Variants in KCNG2 observed in about 807,000 individuals in gnomAD.
KCNG2 encodes the protein voltage-gated potassium channel regulatory subunit KCNG2.
In KCNG2, 7 loss-of-function variants were observed where a neutral mutation model predicts 12.3. That is an observed-to-expected ratio of 0.57 (90% CI 0.32 to 1.07). The LOEUF is 1.07. KCNG2 is among the 50% of genes least tolerant of loss of function. KCNG2 has a pLI of 0.04. For missense variants in KCNG2, 703 were observed against 726.0 expected (o/e 0.97, Z 0.36); for synonymous variants, 414 against 351.4 (o/e 1.18, Z -1.99).
At chr18:79,839,859 T>C (rs894658137) in intron 1 of KCNG2, among the ~76,000 whole-genome samples, 1 of 152,238 alleles carries the variant, frequency 6.6e-6, no homozygotes, top group Non-Finnish European at 1.5e-5. Flanking sequence ...AAGCACCATA[T>C]TGACAGGCTA....
rs1253608580 is a variant in KCNG2 at position 79,803,566 on chromosome 18, G to A, written c.-115+5552G>A. 6.6e-6 allele frequency among the ~76,000 whole-genome samples: 1 copy of A among 152,216 alleles called. No individual in the cohort carries two copies. Among genetic ancestry groups the A allele is most frequent in the Non-Finnish European group, 1.5e-5 (1 of 68,036 alleles). On this transcript the variant is annotated intron_variant, in intron 1 of 3. Transcript: ENST00000316249. The surrounding 1 kb of genome is among the most constrained non-coding windows in gnomAD (Gnocchi z 4.5). ...GTGCTGGGGACCGACGAGGGGGCCTGTGATTCTGGGGGCTCCGATCGTGTT... is the reference window on the plus strand; with the variant it reads ...GTGCTGGGGACCGACGAGGGGGCCTATGATTCTGGGGGCTCCGATCGTGTT...
chr18:79,888,647 C>T (rs1599434098), intron 3 of KCNG2, among the ~76,000 whole-genome samples: 1 of 152,188 alleles, frequency 6.6e-6, no homozygotes, highest in South Asian at 2.1e-4. Context: ...CATGTCCTTC[C>T]TGACAGTTGA....
intron 1 of KCNG2, among the ~76,000 whole-genome samples, chr18:79,807,942 C>T (rs2087464755): frequency 8.6e-6 from 1 of 116,744 alleles, no homozygotes; most frequent in Non-Finnish European, 1.7e-5. Flanking sequence ...CCAGAGTCCT[C>T]GCCCTGAGGA....
rs1233244967 is a variant in KCNG2, at chr18:79,899,367, TGC to T, written c.960_961del (p.Glu321ValfsTer192). The T allele has an allele frequency of 2.6e-6, 4 of 1,556,460 alleles. No individual in the cohort carries two copies. The highest frequency in any genetic ancestry group is 8.6e-7 in the Non-Finnish European group (1 of 1,157,530). Reference sequence around the variant, plus strand: ...TTCGCTGGGCCTGACCATGCGCCGCTGCGCGCGCGAGTTCGGGCTGCTGCTGC... The same window carrying T: ...TTCGCTGGGCCTGACCATGCGCCGCTGCGCGCGAGTTCGGGCTGCTGCTGC... ...LRSLGLTMRR[C>X]AREFGLLLLF... On this transcript the variant is annotated frameshift_variant, in exon 4 of 4. Coordinates refer to ENST00000316249, the MANE Select transcript of KCNG2 (RefSeq NM_012283.2). LOFTEE classifies it low-confidence loss of function (END_TRUNC).
chr18:79,849,673 T>G (rs1978749058), intron 1 of KCNG2, among the ~76,000 whole-genome samples: 1 of 152,246 alleles, frequency 6.6e-6, no homozygotes, highest in African/African-American at 2.4e-5. Flanking sequence ...GCGTGAAGTC[T>G]GGGCCTCGGC....
intron 3 of KCNG2, among the ~76,000 whole-genome samples, chr18:79,869,805 C>T (rs1270714441): frequency 6.6e-6 from 1 of 152,230 alleles, no homozygotes; most frequent in Non-Finnish European, 1.5e-5. Context: ...CAAACACACC[C>T]ACTGCACCCC....
At chr18:79,856,766 G>A (rs970905231) in intron 2 of KCNG2, among the ~76,000 whole-genome samples, 1 of 152,078 alleles carries the variant, frequency 6.6e-6, no homozygotes. Context: ...TGGGACAGCT[G>A]CTGCTTATTC....
chr18:79,813,287 AAATGAGATTT>A (rs769688890), intron 1 of KCNG2, among the ~76,000 whole-genome samples: 1 of 152,262 alleles, frequency 6.6e-6, no homozygotes, highest in African/African-American at 2.4e-5. Context: ...TTGCTGCACC[AAATGAGATTT>A]AATCCAGGCA....
intron 3 of KCNG2, among the ~76,000 whole-genome samples, chr18:79,896,428 T>C (rs1296508566): frequency 6.6e-6 from 1 of 152,258 alleles, no homozygotes; most frequent in Non-Finnish European, 1.5e-5. Context: ...TCCCTTTTGG[T>C]GCGATTGTTG....
In KCNG2 at chr18:79,899,846, GC is replaced by G. The variant is rs1568277466; in HGVS notation, c.*35del. ...TGCGCCGCCCACACGGAGACCCCCTGCCCCCTCCAGCTGCAGCGTCGGGACC... is the reference window on the plus strand; with the variant it reads ...TGCGCCGCCCACACGGAGACCCCCTGCCCCTCCAGCTGCAGCGTCGGGACC... On this transcript the variant is annotated 3_prime_UTR_variant, in exon 4 of 4. Coordinates refer to ENST00000316249, the MANE Select transcript of KCNG2 (RefSeq NM_012283.2). 3 of 1,314,420 alleles carry G rather than the reference GC, an allele frequency of 2.3e-6. No homozygotes were observed. The highest frequency in any genetic ancestry group is 1.9e-6 in the Non-Finnish European group (2 of 1,035,682). 81.4% of individuals were successfully genotyped at this position (1,314,420 alleles called of 1,614,324 possible).
chr18:79,835,103 TGAG>T (rs1978316629), intron 1 of KCNG2, among the ~76,000 whole-genome samples: 1 of 152,100 alleles, frequency 6.6e-6, no homozygotes, highest in Non-Finnish European at 1.5e-5. Context: ...CCACTGGTAA[TGAG>T]GAGCCCTCCC....
intron 1 of KCNG2, among the ~76,000 whole-genome samples, chr18:79,852,908 T>C (rs1487266402): frequency 1.3e-5 from 2 of 152,258 alleles, no homozygotes; most frequent in Non-Finnish European, 2.9e-5. Context: ...GCCTCCTACC[T>C]TAGCAGAGTC....
intron 1 of KCNG2, among the ~76,000 whole-genome samples, chr18:79,852,189 G>A (rs1335723806): frequency 6.6e-6 from 1 of 152,198 alleles, no homozygotes; most frequent in Non-Finnish European, 1.5e-5. Context: ...ACTACCGCCA[G>A]CAGGGTCCCC....
rs78824236 is a variant in KCNG2, at chr18:79,899,384, G to A, written c.969G>A (p.Gly323=). 4.9e-5 allele frequency: 76 copies of A among 1,565,142 alleles called. No individual in the cohort carries two copies. Among genetic ancestry groups the A allele is most frequent in the African/African-American group, 1.8e-4 (13 of 72,652 alleles). ...TGCGCCGCTGCGCGCGCGAGTTCGG[G>A]CTGCTGCTGCTGTTCCTCTGCGTGG... is the stretch of plus-strand genomic sequence containing the variant. ...LTMRRCAREF[G]LLLLFLCVAM... is the part of the protein sequence containing the mutation. The change falls in exon 4 of 4, where the codon GGG becomes GGA. Residue 323 remains glycine (G), a synonymous_variant. Coordinates refer to ENST00000316249, the MANE Select transcript of KCNG2 (RefSeq NM_012283.2).
At chr18:79,847,451 T>C (rs927060067) in intron 1 of KCNG2, among the ~76,000 whole-genome samples, 1 of 152,228 alleles carries the variant, frequency 6.6e-6, no homozygotes. Context: ...CGAGAAGCCC[T>C]GGTCTGGAAA....
chr18:79,861,273 C>CTTTTT (rs56348625), intron 2 of KCNG2, among the ~76,000 whole-genome samples: 3 of 76,968 alleles, frequency 3.9e-5, no homozygotes, highest in African/African-American at 1.4e-4. Flanking sequence ...CTCTCTCTCT[C>CTTTTT]TTTTTTTTTT....
At chr18:79,836,979 C>T (rs1470409263) in intron 1 of KCNG2, among the ~76,000 whole-genome samples, 1 of 152,194 alleles carries the variant, frequency 6.6e-6, no homozygotes, top group Non-Finnish European at 1.5e-5. Flanking sequence ...AGTCTGAACT[C>T]ATTTCAGCAT....
At chr18:79,892,131 AC>A (rs1281511699) in intron 3 of KCNG2, among the ~76,000 whole-genome samples, 6 of 151,504 alleles carry the variant, frequency 4.0e-5, no homozygotes, top group South Asian at 2.1e-4. Flanking sequence ...AAAAAAAAAA[AC>A]AACACAGTGC....
At chr18:79,854,452 A>C (rs571832081) in intron 1 of KCNG2, among the ~76,000 whole-genome samples, 1 of 152,110 alleles carries the variant, frequency 6.6e-6, no homozygotes, top group Non-Finnish European at 1.5e-5. Context: ...CCTCATCCTC[A>C]AAGAGCCTTT....
Sources: allele counts gnomAD v4.1 joint callset (sites outside exome capture counted in the v4.1 genomes callset), GRCh38; gene constraint gnomAD v4.1.1; non-coding constraint Gnocchi (gnomAD v3.1); transcripts MANE v1.5; gene names NCBI Gene and HGNC (gene_info 2026-07-23, HGNC 2026-07-21).